FAM222A: variants seen among roughly 807,000 people sequenced by gnomAD.
FAM222A encodes the protein family with sequence similarity 222 member A, also known as protein FAM222A.
FAM222A carries 7 observed loss-of-function variants against 25.8 expected under a neutral mutation model. That is an observed-to-expected ratio of 0.27 (90% CI 0.15 to 0.51). The LOEUF (loss-of-function observed/expected upper bound fraction) is 0.51, where lower values mean the gene tolerates loss of function less well. FAM222A is among the 20% of genes least tolerant of loss of function. The probability of loss-of-function intolerance (pLI) is 0.97; values close to 1 mark genes in which losing one functional copy is unlikely to be tolerated. For missense variants in FAM222A, 573 were observed against 640.5 expected, an observed-to-expected ratio of 0.89 and a Z score of 1.14; for synonymous variants, 294 against 298.8, an observed-to-expected ratio of 0.98 and a Z score of 0.17.
chr12:109,767,632 CA>C, intron 2 of FAM222A, among the ~76,000 whole-genome samples: 1 of 152,182 alleles, frequency 6.6e-6, no homozygotes, highest in East Asian at 1.9e-4. Flanking sequence ...AAGCCAGGTG[CA>C]AATGAGTACA....
chr12:109,725,790 G>A (rs1025493120), intron 1 of FAM222A, among the ~76,000 whole-genome samples: 39 of 151,850 alleles, frequency 2.6e-4, no homozygotes, highest in African/African-American at 8.7e-4. Context: ...GAAAAAAGCC[G>A]GCCCGGAATC....
chr12:109,741,384 G>A (rs1031409308), intron 1 of FAM222A, among the ~76,000 whole-genome samples: 1 of 152,184 alleles, frequency 6.6e-6, no homozygotes, highest in Non-Finnish European at 1.5e-5. Context: ...CAAAGCTGAG[G>A]CCTACACTTG....
At position 109,768,854 on chromosome 12, in the gene FAM222A, G is replaced by T; in HGVS notation, c.925G>T (p.Ala309Ser). ...GCGTGCCTACAGTGGGAGCACGGTG[G>T]CCAGCAAGTCCCCTGAGGCTTGCGG... ...PLRAYSGSTV[A>S]SKSPEACGGR... The change falls in exon 3 of 3, where the codon GCC becomes TCC. Residue 309 changes from alanine (A) to serine (S), a missense_variant. Ala to Ser is a moderately conservative substitution (Grantham distance 99). This residue lies in a region of FAM222A where 412 missense variants were observed against 407.0 expected (regional missense o/e 1.01). Transcript: ENST00000538780. 1 of 1,582,486 alleles carries T rather than the reference G, an allele frequency of 6.3e-7. No homozygotes were observed. The highest frequency in any genetic ancestry group is 8.5e-7 in the Non-Finnish European group (1 of 1,171,318).
chr12:109,746,575 A>G (rs537959795), intron 2 of FAM222A, among the ~76,000 whole-genome samples: 172 of 152,112 alleles, frequency 1.1e-3, no homozygotes, highest in African/African-American at 3.8e-3. Context: ...AATACATTCA[A>G]GTATCAGTGC....
chr12:109,762,573 G>A (rs1410730061), intron 2 of FAM222A, among the ~76,000 whole-genome samples: 1 of 152,182 alleles, frequency 6.6e-6, no homozygotes, highest in South Asian at 2.1e-4. Context: ...CTTCCTTCAT[G>A]TAAGACCTTT....
chr12:109,733,794 A>G (rs1888007282), intron 1 of FAM222A, among the ~76,000 whole-genome samples: 1 of 152,224 alleles, frequency 6.6e-6, no homozygotes, highest in East Asian at 1.9e-4. Context: ...GGGTGGGGAC[A>G]GGGTTGGCTT....
chr12:109,751,839 G>A (rs1299294147), intron 2 of FAM222A, among the ~76,000 whole-genome samples: 1 of 152,034 alleles, frequency 6.6e-6, no homozygotes, highest in Non-Finnish European at 1.5e-5. Flanking sequence ...CCTTTTTTCT[G>A]CTTCTTAGCC....
chr12:109,757,289 A>T (rs1247740294), intron 2 of FAM222A, among the ~76,000 whole-genome samples: 1 of 152,242 alleles, frequency 6.6e-6, no homozygotes, highest in Non-Finnish European at 1.5e-5. Context: ...GACTTAATTG[A>T]TAAAAGCAAA....
At chr12:109,724,845 C>T (rs772408633) in intron 1 of FAM222A, among the ~76,000 whole-genome samples, 2 of 151,996 alleles carry the variant, frequency 1.3e-5, no homozygotes, top group Non-Finnish European at 2.9e-5. Flanking sequence ...AATGAATGAA[C>T]GAGTGAGTGA....
chr12:109,747,766 T>G (rs1350758867), intron 2 of FAM222A, among the ~76,000 whole-genome samples: 2 of 152,262 alleles, frequency 1.3e-5, no homozygotes, highest in Middle Eastern at 3.2e-3. Flanking sequence ...GGCTGTTAAC[T>G]TCTGCCACCT....
In FAM222A at chr12:109,768,500, C is replaced by A; in HGVS notation, c.571C>A (p.Leu191Met). 6.2e-7 allele frequency: 1 copy of A among 1,605,534 alleles called. No individual in the cohort carries two copies. Among genetic ancestry groups the A allele is most frequent in the Non-Finnish European group, 8.5e-7 (1 of 1,178,748 alleles). The change falls in exon 3 of 3, where the codon CTG becomes ATG. Residue 191 changes from leucine to methionine, a missense_variant. Coordinates refer to ENST00000538780, the MANE Select transcript of FAM222A (RefSeq NM_032829.3). ...CCCCCTGCCGGGCCGGGGCCTGCCC[C>A]TGCCACCTTCCAACCTGCCCTCCAT... ...VIPLPGRGLP[L>M]PPSNLPSIHS...
intron 2 of FAM222A, among the ~76,000 whole-genome samples, chr12:109,764,066 C>T (rs746813799): frequency 6.6e-6 from 1 of 151,862 alleles, no homozygotes; most frequent in Non-Finnish European, 1.5e-5. Flanking sequence ...CCCATCTTTA[C>T]AAAAAATACA....
Position 109,768,445 on chromosome 12 carries a change from G to T in FAM222A, c.516G>T (p.Leu172=), listed in dbSNP as rs1345840928. ...PPEAPAPPPG[L]PAAATAASVI... is the part of the protein sequence containing the mutation. ...AGGCGCCTGCTCCACCACCCGGCCTGCCCGCAGCCGCCACTGCCGCCTCCG... is the reference window on the plus strand; with the variant it reads ...AGGCGCCTGCTCCACCACCCGGCCTTCCCGCAGCCGCCACTGCCGCCTCCG... Residue 172 remains leucine (L), a synonymous_variant, in exon 3 of 3, where the codon CTG becomes CTT. Transcript: ENST00000538780. 2 of 1,599,662 alleles carry T rather than the reference G, an allele frequency of 1.3e-6. No individual in the cohort carries two copies. The highest frequency in any genetic ancestry group is 1.7e-6 in the Non-Finnish European group (2 of 1,178,798).
chr12:109,714,222 C>T lies in FAM222A; in HGVS notation c.-722C>T, dbSNP rs909868590. The T allele has an allele frequency of 4.9e-6, 1 of 204,496 alleles. No individual in the cohort carries two copies. The allele number at this position is 204,496 out of a possible 1,614,324, so 12.7% of individuals were successfully genotyped here. On this transcript the variant is annotated 5_prime_UTR_variant, in exon 1 of 3. Transcript: ENST00000538780. This position sits in a 1 kb window ranked among gnomAD's most constrained non-coding sequence, Gnocchi z 4.2. ...CCGCTGCCGCCGCCGCCGCCGCTGC[C>T]GCCGCCGCTGTTCGCCGGCTTCCCC... is the stretch of plus-strand genomic sequence containing the variant.
intron 1 of FAM222A, among the ~76,000 whole-genome samples, chr12:109,732,948 A>C (rs1887982477): frequency 6.6e-6 from 1 of 152,232 alleles, no homozygotes; most frequent in African/African-American, 2.4e-5. Context: ...TAAACCATTC[A>C]TCAAGATAAT....
rs199751946 is a variant in FAM222A, at chr12:109,744,118, G to T, written c.-29G>T. The T allele has an allele frequency of 6.2e-6, 10 of 1,608,250 alleles. No individual in the cohort carries two copies. The African/African-American group carries it at 1.3e-4, about 21-fold the overall frequency. On this transcript the variant is annotated 5_prime_UTR_variant, in exon 2 of 3. Coordinates refer to ENST00000538780, the MANE Select transcript of FAM222A (RefSeq NM_032829.3). ...TCCTGCAGGGACCCAGTCGCAGAGC[G>T]CACCCCACTGGGGACCCCCAGCTCA...
At chr12:109,759,544 G>A (rs756043114) in intron 2 of FAM222A, among the ~76,000 whole-genome samples, 6 of 152,166 alleles carry the variant, frequency 3.9e-5, no homozygotes, top group African/African-American at 7.2e-5. Context: ...GTTAATAACC[G>A]CATCTATTTA....
In FAM222A at chr12:109,768,115, C is replaced by T; in HGVS notation, c.186C>T (p.Ile62=). The change falls in exon 3 of 3, where the codon ATC becomes ATT. Residue 62 remains isoleucine, a synonymous_variant. Coordinates refer to ENST00000538780, the MANE Select transcript of FAM222A (RefSeq NM_032829.3). The stretch of plus-strand genomic sequence containing the variant: ...CCAACAGCCCGCTGTCCATCAAGAT[C>T]TTCCCCACCAACATCCGTGTGCCCC... ...KVANSPLSIK[I]FPTNIRVPQH... is the part of the protein sequence containing the mutation. The T allele has an allele frequency of 6.2e-7, 1 of 1,614,042 alleles. No homozygotes were observed. Among genetic ancestry groups the T allele is most frequent in the Non-Finnish European group, 8.5e-7 (1 of 1,180,032 alleles).
chr12:109,764,955 C>T (rs765372977), intron 2 of FAM222A, among the ~76,000 whole-genome samples: 38 of 152,140 alleles, frequency 2.5e-4, no homozygotes, highest in Non-Finnish European at 4.6e-4. Context: ...CGGGCAGAGT[C>T]GGGATGGGGG....
Sources: gnomAD v4.1 joint callset for allele counts (sites outside exome capture counted in the v4.1 genomes callset) on GRCh38, gnomAD v4.1.1 for gene constraint, gnomAD v4.1.1 regional missense constraint, Gnocchi (gnomAD v3.1) non-coding constraint, MANE v1.5 for transcripts, NCBI Gene and HGNC (gene_info 2026-07-23, HGNC 2026-07-21) for gene names.